NAP1L1: variants seen among roughly 807,000 people sequenced by gnomAD.
NAP1L1 encodes nucleosome assembly protein 1 like 1.
A neutral mutation model predicts 58.9 loss-of-function variants in NAP1L1; 9 were observed. The observed-to-expected ratio is 0.15, with a 90% confidence interval of 0.09 to 0.27. The LOEUF is 0.27. Ranked by LOEUF, NAP1L1 falls within the 10% of genes least tolerant of loss-of-function variation. The pLI is 1.00. For synonymous variants in NAP1L1, 130 were observed against 138.3 expected (o/e 0.94, Z 0.42); for missense variants, 302 against 458.8 (o/e 0.66, Z 3.12).
intron 1 of NAP1L1, 139 bp from the exon 2 acceptor site, chr12:76,074,378 T>C (rs1042557030): frequency 2.4e-5 from 32 of 1,326,458 alleles, no homozygotes; most frequent in Admixed American, 2.2e-4. Flanking sequence ...CTATCAGTGT[T>C]AAGAAGAAAA....
At chr12:76,075,729 T>C (rs1335774184) in intron 1 of NAP1L1, among the ~76,000 whole-genome samples, 1 of 152,192 alleles carries the variant, frequency 6.6e-6, no homozygotes, top group African/African-American at 2.4e-5. Context: ...CCAAGTAGGA[T>C]TCCAGTTTGT....
intron 11 of NAP1L1, among the ~76,000 whole-genome samples, chr12:76,052,213 TTAAC>T (rs754450600): frequency 1.3e-5 from 2 of 152,012 alleles, no homozygotes; most frequent in Admixed American, 6.6e-5. Flanking sequence ...TTTTCTATCC[TTAAC>T]TAGACTGTTT....
intron 11 of NAP1L1, among the ~76,000 whole-genome samples, chr12:76,052,345 T>TTAAAACTACTTAATACTTAAAACTAC (rs2136968486): frequency 6.6e-6 from 1 of 152,284 alleles, no homozygotes; most frequent in South Asian, 2.1e-4. Flanking sequence ...ATCTTAATAC[T>TTAAAACTACTTAATACTTAAAACTAC]TAAAGTAGTT....
intron 3 of NAP1L1, 174 bp downstream of exon 3, chr12:76,068,735 T>TAC (rs35120003): frequency 0.16 from 45,814 of 291,898 alleles, 1,537 homozygotes; most frequent in South Asian, 0.17. Flanking sequence ...ACCCGCCCCT[T>TAC]ACACACACAC....
rs763840191 is a variant in NAP1L1, at chr12:76,039,837, G to T, written c.*8592C>A. On this transcript the variant is annotated 3_prime_UTR_variant, in exon 15 of 15. Coordinates refer to ENST00000618691, the MANE Select transcript of NAP1L1 (RefSeq NM_004537.7). ...TATCTTAATGTTAAACGAACACTTA[G>T]TTCTCCCCAAATTGCTGATTAATAC... is the stretch of plus-strand genomic sequence containing the variant. The T allele has an allele frequency of 6.6e-6, 1 of 152,144 alleles. No individual in the cohort carries two copies. Among genetic ancestry groups the T allele is most frequent in the Non-Finnish European group, 1.5e-5 (1 of 68,028 alleles). 9.4% of individuals were successfully genotyped at this position (152,144 alleles called of 1,614,324 possible).
intron 3 of NAP1L1, 134 bp downstream of exon 3, chr12:76,068,775 C>T: frequency 4.7e-6 from 3 of 637,652 alleles, no homozygotes; most frequent in Non-Finnish European, 8.4e-6. Context: ...CACACACACA[C>T]ACACTAGAAG....
At chr12:76,067,544 C>A in intron 3 of NAP1L1, 71 bp from the exon 4 acceptor site, 1 of 1,257,598 alleles carries the variant, frequency 8.0e-7, no homozygotes, top group Non-Finnish European at 1.1e-6. Flanking sequence ...TAGGACAATC[C>A]AATCTCATGA....
At chr12:76,064,554 TAAC>T (rs1393217065) in intron 4 of NAP1L1, among the ~76,000 whole-genome samples, 2 of 151,826 alleles carry the variant, frequency 1.3e-5, no homozygotes, top group Admixed American at 6.6e-5. Flanking sequence ...AAAAAAGAGA[TAAC>T]AGCAGCAGTA....
intron 1 of NAP1L1, 55 bp from the exon 2 acceptor site, chr12:76,074,294 A>G: frequency 6.7e-7 from 1 of 1,499,324 alleles, no homozygotes; most frequent in East Asian, 2.5e-5. Flanking sequence ...TTAAAAAAAA[A>G]TAAGAAACCA....
In NAP1L1 at chr12:76,042,871, C is replaced by G. The variant is rs957292839; in HGVS notation, c.*5558G>C. On this transcript the variant is annotated 3_prime_UTR_variant, in exon 15 of 15. Transcript: ENST00000618691. ...CTGTAAGACTAGAAAACTTTTTGAGCCAAAAAGTATGTTGATCAGAGTAAA... is the reference window on the plus strand; with the variant it reads ...CTGTAAGACTAGAAAACTTTTTGAGGCAAAAAGTATGTTGATCAGAGTAAA... 11 of 151,986 alleles carry G rather than the reference C, an allele frequency of 7.2e-5. No individual in the cohort carries two copies. The highest frequency in any genetic ancestry group is 1.6e-4 in the Non-Finnish European group (11 of 67,996). 9.4% of individuals were successfully genotyped at this position (151,986 alleles called of 1,614,324 possible). A position where few individuals can be genotyped will look rare whatever the true frequency, so the allele number is the denominator to read the frequency against.
intron 11 of NAP1L1, among the ~76,000 whole-genome samples, chr12:76,051,628 C>G (rs1948835585): frequency 6.6e-6 from 1 of 152,150 alleles, no homozygotes; most frequent in Non-Finnish European, 1.5e-5. Flanking sequence ...GCCACCAGAG[C>G]AGCTGGGACT....
intron 1 of NAP1L1, among the ~76,000 whole-genome samples, chr12:76,077,183 T>C (rs1002693078): frequency 6.6e-6 from 1 of 152,216 alleles, no homozygotes; most frequent in African/African-American, 2.4e-5. Context: ...CAGTTTAAAT[T>C]CTTAAAATGA....
Position 76,056,159 on chromosome 12 carries a change from C to T in NAP1L1, c.432G>A (p.Glu144=). Residue 144 remains glutamate, a splice_region_variant and synonymous_variant, in exon 7 of 15, where the codon GAG becomes GAA. Coordinates refer to ENST00000618691, the MANE Select transcript of NAP1L1 (RefSeq NM_004537.7). The part of the protein sequence containing the change: ...WKPDEEDEIS[E]ELKEKAKIED... ...CAATCTTGGCCTTTTCTTTCAATTC[C>T]TCCTTGATTAAGTGACAGCAAACAT... The T allele has an allele frequency of 6.2e-7, 1 of 1,609,594 alleles. No homozygotes were observed. Among genetic ancestry groups the T allele is most frequent in the South Asian group, 1.1e-5 (1 of 90,340 alleles).
rs58649228 is a variant in NAP1L1 at position 76,076,549 on chromosome 12, A to AATATATATATATATATATATAT, written c.-20-2332_-20-2311dup. 6.8e-4 allele frequency among the ~76,000 whole-genome samples: 82 copies of AATATATATATATATATATATAT among 120,580 alleles called. 1 individual carries two copies. Among genetic ancestry groups the AATATATATATATATATATATAT allele is most frequent in the South Asian group, 1.2e-3 (4 of 3,388 alleles). 79.1% of individuals were successfully genotyped at this position (120,580 alleles called of 152,430 possible). A position where few individuals can be genotyped will look rare whatever the true frequency, so the allele number is the denominator to read the frequency against. On this transcript the variant is annotated intron_variant, in intron 1 of 14. Coordinates refer to ENST00000618691, the MANE Select transcript of NAP1L1 (RefSeq NM_004537.7). ...TGCCGAAATCCCCTTTGGATATGGA[A>AATATATATATATATATATATAT]ATATATATATATATATATATATATA...
chr12:76,068,715 A>C (rs1333966551), intron 3 of NAP1L1, 194 bp downstream of exon 3: 4 of 474,916 alleles, frequency 8.4e-6, no homozygotes, highest in Non-Finnish European at 1.5e-5. Flanking sequence ...GAGTTGCTGT[A>C]TCTATACCTA....
rs1948616318 is a variant in NAP1L1, at chr12:76,046,743, T to C, written c.*1686A>G. The C allele has an allele frequency of 6.6e-6, 1 of 152,422 alleles. No individual in the cohort carries two copies. Among genetic ancestry groups the C allele is most frequent in the African/African-American group, 2.4e-5 (1 of 41,418 alleles). The allele number at this position is 152,422 out of a possible 1,614,324, so 9.4% of individuals were successfully genotyped here. A position where few individuals can be genotyped will look rare whatever the true frequency, so the allele number is the denominator to read the frequency against. On this transcript the variant is annotated 3_prime_UTR_variant, in exon 15 of 15. Transcript: ENST00000618691. ...GCAGGAAATCTAGACCTTCCTCTAATGACAATCCAATAATCCACCCTCACT... is the reference window on the plus strand; with the variant it reads ...GCAGGAAATCTAGACCTTCCTCTAACGACAATCCAATAATCCACCCTCACT...
rs999262232 is a variant in NAP1L1, at chr12:76,044,543, G to C, written c.*3886C>G. 6.6e-6 allele frequency: 1 copy of C among 152,076 alleles called. No individual in the cohort carries two copies. Among genetic ancestry groups the C allele is most frequent in the African/African-American group, 2.4e-5 (1 of 41,378 alleles). 9.4% of individuals were successfully genotyped at this position (152,076 alleles called of 1,614,324 possible). On this transcript the variant is annotated 3_prime_UTR_variant, in exon 15 of 15. Coordinates refer to ENST00000618691, the MANE Select transcript of NAP1L1 (RefSeq NM_004537.7). Reference sequence around the variant, plus strand: ...AGACTCTTGGCTTGAGGATGACATGGTCGGGCCTCAATAAGCCCACTGTAA... The same window carrying C: ...AGACTCTTGGCTTGAGGATGACATGCTCGGGCCTCAATAAGCCCACTGTAA...
chr12:76,066,124 A>G (rs1949657498), intron 4 of NAP1L1, among the ~76,000 whole-genome samples: 1 of 125,068 alleles, frequency 8.0e-6, no homozygotes, highest in South Asian at 3.0e-4. Flanking sequence ...AAATAAATAA[A>G]TAAATAAATA....
rs975136491 is a variant in NAP1L1 at position 76,041,565 on chromosome 12, AG to A, written c.*6863del. ...ACTCACCAAGCCAAATGAATAGCAA[AG>A]ACAACAGTTCCAGCCTCCAGTTTTG... On this transcript the variant is annotated 3_prime_UTR_variant, in exon 15 of 15. Transcript: ENST00000618691. The A allele has an allele frequency of 1.3e-5, 2 of 152,232 alleles. No homozygotes were observed. Among genetic ancestry groups the A allele is most frequent in the African/African-American group, 4.8e-5 (2 of 41,460 alleles). The allele number at this position is 152,232 out of a possible 1,614,324, so 9.4% of individuals were successfully genotyped here.
Sources: allele counts gnomAD v4.1 joint callset (sites outside exome capture counted in the v4.1 genomes callset), GRCh38; gene constraint gnomAD v4.1.1; transcripts MANE v1.5; gene names NCBI Gene and HGNC (gene_info 2026-07-23, HGNC 2026-07-21).